Variants in TMPRSS11D observed in about 807,000 individuals in gnomAD.
TMPRSS11D encodes the protein transmembrane serine protease 11D.
TMPRSS11D carries 32 observed loss-of-function variants against 44.4 expected under a neutral mutation model. The observed-to-expected ratio is 0.72, with a 90% CI of 0.54 to 0.97. The LOEUF (loss-of-function observed/expected upper bound fraction) is 0.97, where lower values mean the gene tolerates loss of function less well. TMPRSS11D is among the 50% of genes least tolerant of loss of function. The pLI is 0.00. For missense variants in TMPRSS11D, 446 were observed against 502.6 expected, an observed-to-expected ratio of 0.89 and a Z score of 1.08; for synonymous variants, 179 against 177.9, an observed-to-expected ratio of 1.01 and a Z score of -0.05.
intron 3 of TMPRSS11D, among the ~76,000 whole-genome samples, chr4:67,847,152 C>T (rs1718379295): frequency 3.3e-5 from 5 of 152,178 alleles, no homozygotes; most frequent in Admixed American, 3.3e-4. Context: ...GATCCGCCCA[C>T]GTCGGCCTCC....
Position 67,842,535 on chromosome 4 carries a change from A to AT in TMPRSS11D, c.317+22dup, listed in dbSNP as rs747802648. ...TGCCACATTGTATCTATACTTAAATATTTTTTCTACAGTTCCACTCACCTC... is the reference window on the plus strand; with the variant it reads ...TGCCACATTGTATCTATACTTAAATATTTTTTTCTACAGTTCCACTCACCTC... On this transcript the variant is annotated intron_variant, in intron 4 of 9. Coordinates refer to ENST00000283916, the MANE Select transcript of TMPRSS11D (RefSeq NM_004262.3). 15 of 1,604,262 alleles carry AT rather than the reference A, an allele frequency of 9.4e-6. No homozygotes were observed. The African/African-American group carries it at 1.1e-4, about 11-fold the overall frequency.
intron 5 of TMPRSS11D, among the ~76,000 whole-genome samples, chr4:67,837,867 G>A (rs576088803): frequency 1.3e-5 from 2 of 152,216 alleles, no homozygotes; most frequent in Admixed American, 1.3e-4. Flanking sequence ...GAGCATCTAT[G>A]TACCCCTCCT....
chr4:67,862,351 C>A (rs1157297809), intron 1 of TMPRSS11D, among the ~76,000 whole-genome samples: 2 of 151,950 alleles, frequency 1.3e-5, no homozygotes, highest in Non-Finnish European at 2.9e-5. Context: ...AAACAGAAAC[C>A]AGGTAAGTTT....
In TMPRSS11D at chr4:67,827,488, GA is replaced by G. The variant is rs1345113636; in HGVS notation, c.724del (p.Ser242LeufsTer10). 6.2e-7 allele frequency: 1 copy of G among 1,609,298 alleles called. No homozygotes were observed. The highest frequency in any genetic ancestry group is 1.7e-5 in the Admixed American group (1 of 59,664). On this transcript the variant is annotated frameshift_variant, in exon 8 of 10. Transcript: ENST00000283916. LOFTEE classifies it high-confidence loss of function. The part of the protein sequence containing the change: ...NSNPRDWIAT[S>X]GISTTFPKLR... Reference sequence around the variant, plus strand: ...TTTAGGAAATGTTGTGGAAATACCAGACGTGGCAATCCAGTCACGAGGATTA... The same window carrying G: ...TTTAGGAAATGTTGTGGAAATACCAGCGTGGCAATCCAGTCACGAGGATTA...
At chr4:67,840,352 C>A (rs1718204087) in intron 4 of TMPRSS11D, among the ~76,000 whole-genome samples, 1 of 152,040 alleles carries the variant, frequency 6.6e-6, no homozygotes, top group Non-Finnish European at 1.5e-5. Flanking sequence ...ATCTAATCAC[C>A]TCCCACAAGG....
At chr4:67,842,912 T>C (rs1177090575) in intron 3 of TMPRSS11D, among the ~76,000 whole-genome samples, 1 of 152,188 alleles carries the variant, frequency 6.6e-6, no homozygotes, top group Non-Finnish European at 1.5e-5. Flanking sequence ...TGAGAGATTA[T>C]GTTATATGGC....
Position 67,822,219 on chromosome 4 carries a change from G to T in TMPRSS11D, c.*118C>A. The T allele has an allele frequency of 8.8e-7, 1 of 1,135,470 alleles. No individual in the cohort carries two copies. The highest frequency in any genetic ancestry group is 1.3e-6 in the Non-Finnish European group (1 of 791,890). 70.3% of individuals were successfully genotyped at this position (1,135,470 alleles called of 1,614,324 possible). A position where few individuals can be genotyped will look rare whatever the true frequency, so the allele number is the denominator to read the frequency against. On this transcript the variant is annotated 3_prime_UTR_variant, in exon 10 of 10. Coordinates refer to ENST00000283916, the MANE Select transcript of TMPRSS11D (RefSeq NM_004262.3). The stretch of plus-strand genomic sequence containing the variant: ...ACAGTGTTTGTTAAACCATATTTAT[G>T]TAACAAGATGTTAAATTAGGACATT...
chr4:67,862,233 A>T (rs886585574), intron 1 of TMPRSS11D, among the ~76,000 whole-genome samples: 2 of 152,090 alleles, frequency 1.3e-5, no homozygotes, highest in African/African-American at 2.4e-5. Context: ...AATCTTCATG[A>T]TCTTTTCATA....
intron 1 of TMPRSS11D, among the ~76,000 whole-genome samples, chr4:67,878,765 A>T (rs1041382283): frequency 6.6e-6 from 1 of 152,096 alleles, no homozygotes; most frequent in African/African-American, 2.4e-5. Context: ...CTCTACTAAA[A>T]ATACAAAAAT....
chr4:67,824,751 G>A (rs992783344), intron 9 of TMPRSS11D, among the ~76,000 whole-genome samples: 1 of 152,050 alleles, frequency 6.6e-6, no homozygotes. Flanking sequence ...CTTTTGATGC[G>A]AAGAATAATT....
At chr4:67,850,998 G>A (rs1001750879) in intron 3 of TMPRSS11D, among the ~76,000 whole-genome samples, 5 of 152,166 alleles carry the variant, frequency 3.3e-5, no homozygotes, top group Non-Finnish European at 5.9e-5. Context: ...GACTTGCCTG[G>A]AAGTGGAGGA....
chr4:67,846,729 A>G (rs1024353837), intron 3 of TMPRSS11D, among the ~76,000 whole-genome samples: 29 of 152,318 alleles, frequency 1.9e-4, no homozygotes, highest in African/African-American at 6.7e-4. Context: ...ATTAAACATT[A>G]TAGTTAATCT....
At position 67,848,398 on chromosome 4, in the gene TMPRSS11D, C is replaced by T. The variant is rs190404119; in HGVS notation, c.249+5670G>A. Among the ~76,000 whole-genome samples the T allele has an allele frequency of 4.6e-3, 699 of 152,286 alleles. 4 individuals are homozygous for T. The highest frequency in any genetic ancestry group is 0.015 in the African/African-American group (639 of 41,556). ...TACTTATTCAACAATTGTTTTTGAG[C>T]ATCTCTTGTGTGCCACCACCTCCCG... is the stretch of plus-strand genomic sequence containing the variant. On this transcript the variant is annotated intron_variant, in intron 3 of 9. Coordinates refer to ENST00000283916, the MANE Select transcript of TMPRSS11D (RefSeq NM_004262.3).
intron 1 of TMPRSS11D, among the ~76,000 whole-genome samples, chr4:67,875,696 C>T (rs1719175116): frequency 6.6e-6 from 1 of 152,242 alleles, no homozygotes; most frequent in Non-Finnish European, 1.5e-5. Context: ...AGTCACCTAA[C>T]TCCTCAATTT....
intron 1 of TMPRSS11D, among the ~76,000 whole-genome samples, chr4:67,871,881 A>C (rs776127850): frequency 3.9e-5 from 6 of 152,188 alleles, no homozygotes; most frequent in Non-Finnish European, 8.8e-5. Context: ...CTAAGAGTTT[A>C]AGTAAATTTC....
chr4:67,852,109 T>G (rs1035039833), intron 3 of TMPRSS11D, among the ~76,000 whole-genome samples: 5 of 152,326 alleles, frequency 3.3e-5, no homozygotes, highest in Non-Finnish European at 4.4e-5. Context: ...CAATGCTGCT[T>G]CCTTCTCTTC....
chr4:67,831,002 A>T (rs1415857660), intron 7 of TMPRSS11D, among the ~76,000 whole-genome samples: 2 of 152,148 alleles, frequency 1.3e-5, no homozygotes, highest in African/African-American at 4.8e-5. Context: ...CATTAATTAT[A>T]GTTCAACAAG....
chr4:67,863,039 G>C (rs1718830446), intron 1 of TMPRSS11D, among the ~76,000 whole-genome samples: 1 of 147,594 alleles, frequency 6.8e-6, no homozygotes, highest in Admixed American at 7.0e-5. Flanking sequence ...AGAACTTAAA[G>C]TATAATAAAA....
chr4:67,875,409 T>C (rs574247715), intron 1 of TMPRSS11D, among the ~76,000 whole-genome samples: 1 of 152,262 alleles, frequency 6.6e-6, no homozygotes, highest in African/African-American at 2.4e-5. Flanking sequence ...CTCTCCATCC[T>C]CCCTTCTTAA....
Sources: gnomAD v4.1 joint callset for allele counts (sites outside exome capture counted in the v4.1 genomes callset) on GRCh38, gnomAD v4.1.1 for gene constraint, MANE v1.5 for transcripts, NCBI Gene and HGNC (gene_info 2026-07-23, HGNC 2026-07-21) for gene names.